The following MICU2 variants were observed in gnomAD, a reference collection of about 807,000 sequenced individuals.
The protein encoded by MICU2 is calcium uptake protein 2, mitochondrial.
In MICU2, 64 loss-of-function variants were observed where a neutral mutation model predicts 60.4. The observed-to-expected ratio is 1.06, with a 90% CI of 0.87 to 1.31. The LOEUF is 1.31. MICU2 is among the 50% of genes most tolerant of loss of function. The pLI is 0.00. For missense variants in MICU2, 569 were observed against 531.0 expected (o/e 1.07, Z -0.70); for synonymous variants, 201 against 175.0 (o/e 1.15, Z -1.17).
chr13:21,586,008 T>C (rs1194773566), intron 1 of MICU2, among the ~76,000 whole-genome samples: 6 of 152,214 alleles, frequency 3.9e-5, no homozygotes, highest in Non-Finnish European at 5.9e-5. Context: ...ATTTTTTAGA[T>C]AATACTTTAC....
At chr13:21,502,112 T>TAGATAA (rs1460617952) in intron 9 of MICU2, among the ~76,000 whole-genome samples, 1 of 151,976 alleles carries the variant, frequency 6.6e-6, no homozygotes, top group Non-Finnish European at 1.5e-5. Context: ...ATTAGATAAG[T>TAGATAA]TTTCTTTTTA....
At chr13:21,517,289 A>T (rs982210425) in intron 6 of MICU2, among the ~76,000 whole-genome samples, 3 of 152,220 alleles carry the variant, frequency 2.0e-5, no homozygotes, top group African/African-American at 7.2e-5. Context: ...TACTCAAATC[A>T]CTTTGTTACA....
At chr13:21,590,615 G>A (rs1888558362) in intron 1 of MICU2, among the ~76,000 whole-genome samples, 3 of 152,200 alleles carry the variant, frequency 2.0e-5, no homozygotes. Context: ...GGTGGCTCAC[G>A]CCTGTAATCC....
At chr13:21,507,332 A>T (rs1744898) in intron 8 of MICU2, among the ~76,000 whole-genome samples, 6 of 152,282 alleles carry the variant, frequency 3.9e-5, no homozygotes, top group African/African-American at 1.4e-4. Flanking sequence ...AAAGTGAAGT[A>T]GAGTGACATA....
chr13:21,496,414 A>G (rs1198437314), intron 9 of MICU2: 4 of 421,894 alleles, frequency 9.5e-6, no homozygotes, highest in Non-Finnish European at 1.3e-5. Flanking sequence ...TTGATCTTGG[A>G]CTCCTGGCCT....
chr13:21,508,187 A>G (rs1165264223), intron 8 of MICU2, among the ~76,000 whole-genome samples: 6 of 149,118 alleles, frequency 4.0e-5, no homozygotes, highest in Non-Finnish European at 8.9e-5. Context: ...GTGCAGTGGC[A>G]CGATCCTGGC....
chr13:21,525,679 T>C (rs1006480244), intron 4 of MICU2, among the ~76,000 whole-genome samples: 16 of 152,046 alleles, frequency 1.1e-4, no homozygotes, highest in African/African-American at 4.8e-5. Context: ...ATTAGTGACG[T>C]TGAGTACCTT....
At chr13:21,586,683 T>TTATA (rs2138064168) in intron 1 of MICU2, among the ~76,000 whole-genome samples, 1 of 152,222 alleles carries the variant, frequency 6.6e-6, no homozygotes, top group Non-Finnish European at 1.5e-5. Context: ...AGCACTGGGA[T>TTATA]TATAGGAGGG....
intron 1 of MICU2, 133 bp from the exon 2 acceptor site, chr13:21,567,077 A>T: frequency 1.4e-6 from 1 of 719,024 alleles, no homozygotes; most frequent in Non-Finnish European, 2.2e-6. Context: ...TCATTTAACA[A>T]ATATTAACTG....
chr13:21,558,227 A>C (rs1049701232), intron 2 of MICU2, among the ~76,000 whole-genome samples: 3 of 152,134 alleles, frequency 2.0e-5, no homozygotes, highest in Non-Finnish European at 4.4e-5. Flanking sequence ...TCAGGGAGGC[A>C]GTTTTGGGTA....
intron 4 of MICU2, among the ~76,000 whole-genome samples, chr13:21,524,804 C>G (rs528372508): frequency 1.3e-5 from 2 of 152,316 alleles, no homozygotes; most frequent in South Asian, 4.1e-4. Context: ...CCCCTGCAAC[C>G]TCTATTCCGC....
chr13:21,503,536 T>G (rs1886229381), intron 8 of MICU2, among the ~76,000 whole-genome samples: 1 of 152,226 alleles, frequency 6.6e-6, no homozygotes, highest in African/African-American at 2.4e-5. Flanking sequence ...TCCTAATATT[T>G]TTCAAATACC....
intron 6 of MICU2, among the ~76,000 whole-genome samples, chr13:21,517,912 T>TG (rs1217897218): frequency 6.6e-6 from 1 of 152,144 alleles, no homozygotes; most frequent in East Asian, 1.9e-4. Context: ...TCTTCAATGC[T>TG]GTTTTTTTTT....
intron 9 of MICU2, among the ~76,000 whole-genome samples, chr13:21,498,160 G>T (rs904117950): frequency 6.6e-6 from 1 of 152,034 alleles, no homozygotes; most frequent in African/African-American, 2.4e-5. Flanking sequence ...CTTACTCAAG[G>T]TTCACTGGTT....
At chr13:21,582,490 T>C (rs562843923) in intron 1 of MICU2, among the ~76,000 whole-genome samples, 1 of 152,336 alleles carries the variant, frequency 6.6e-6, no homozygotes, top group South Asian at 2.1e-4. Flanking sequence ...CTTCCTGATA[T>C]ATATCAAAGA....
chr13:21,580,589 TAAATATTTAAGAGTA>T (rs1888325937), intron 1 of MICU2, among the ~76,000 whole-genome samples: 2 of 152,028 alleles, frequency 1.3e-5, no homozygotes, highest in South Asian at 4.2e-4. Flanking sequence ...GAAGTACTCT[TAAATATTTAAGAGTA>T]ACTCTTAAAT....
intron 1 of MICU2, among the ~76,000 whole-genome samples, chr13:21,577,324 T>C (rs538783204): frequency 1.2e-4 from 19 of 152,278 alleles, no homozygotes; most frequent in East Asian, 7.7e-4. Context: ...GCATGTAATA[T>C]AGCCTCCCTT....
intron 4 of MICU2, chr13:21,530,997 C>G: frequency 2.5e-6 from 2 of 794,374 alleles, no homozygotes; most frequent in Non-Finnish European, 4.6e-6. Flanking sequence ...TAAACTAGTA[C>G]CACATAATGA....
intron 1 of MICU2, among the ~76,000 whole-genome samples, chr13:21,585,250 G>A (rs2138062592): frequency 6.6e-6 from 1 of 152,240 alleles, no homozygotes; most frequent in East Asian, 1.9e-4. Context: ...TAACATCATA[G>A]CTTTGTCATC....
Sources: gnomAD v4.1 joint callset for allele counts (sites outside exome capture counted in the v4.1 genomes callset) on GRCh38, gnomAD v4.1.1 for gene constraint, MANE v1.5 for transcripts, NCBI Gene and HGNC (gene_info 2026-07-23, HGNC 2026-07-21) for gene names.